The following DHRS3 variants were observed in gnomAD, a reference collection of about 807,000 sequenced individuals.
DHRS3 encodes short-chain dehydrogenase/reductase 3.
In DHRS3, 14 loss-of-function variants were observed where a neutral mutation model predicts 27.2. The ratio of observed to expected loss-of-function variants is 0.52; its 90% CI spans 0.34 to 0.81. DHRS3 has a LOEUF of 0.81. DHRS3 is among the 30% of genes least tolerant of loss of function. The pLI is 0.01. For synonymous variants in DHRS3, 165 were observed against 175.9 expected, an observed-to-expected ratio of 0.94 and a Z score of 0.49; for missense variants, 322 against 406.2, an observed-to-expected ratio of 0.79 and a Z score of 1.78.
At chr1:12,602,854 G>A (rs1288395364) in intron 1 of DHRS3, among the ~76,000 whole-genome samples, 1 of 152,262 alleles carries the variant, frequency 6.6e-6, no homozygotes, top group Non-Finnish European at 1.5e-5. Context: ...CAAATTGCAT[G>A]AGTGCTCTGG....
Position 12,574,747 on chromosome 1 carries a change from G to A in DHRS3, c.699-1894C>T, listed in dbSNP as rs1380084372. On this transcript the variant is annotated intron_variant, in intron 4 of 5. Coordinates refer to ENST00000616661, the MANE Select transcript of DHRS3 (RefSeq NM_004753.7). The surrounding 1 kb of genome is among the most constrained non-coding windows in gnomAD (Gnocchi z 4.6). ...GAGGAGGCCTCAAGCACGTCTGTGC[G>A]CAGGATTTTCTCCTTCCTCTCCACG... Among the ~76,000 whole-genome samples, 4 of 152,188 alleles carry A rather than the reference G, an allele frequency of 2.6e-5. No homozygotes were observed. The highest frequency in any genetic ancestry group is 3.8e-4 in the East Asian group (2 of 5,196).
intron 1 of DHRS3, among the ~76,000 whole-genome samples, chr1:12,609,902 AT>A (rs1168798133): frequency 1.3e-5 from 2 of 151,990 alleles, no homozygotes; most frequent in African/African-American, 4.8e-5. Flanking sequence ...TCTTCCTGGA[AT>A]GCTACTGCTC....
intron 1 of DHRS3, among the ~76,000 whole-genome samples, chr1:12,582,175 T>A (rs1405803468): frequency 1.3e-5 from 2 of 152,214 alleles, no homozygotes; most frequent in Non-Finnish European, 2.9e-5. Flanking sequence ...GTCACATTGA[T>A]AAGGAGTTGC....
intron 1 of DHRS3, among the ~76,000 whole-genome samples, chr1:12,582,373 C>T (rs1646651641): frequency 6.6e-6 from 1 of 152,084 alleles, no homozygotes; most frequent in African/African-American, 2.4e-5. Context: ...TCTCTAAAGC[C>T]CAGTTTGAAA....
In DHRS3 at chr1:12,574,020, A is replaced by G. The variant is rs1026698792; in HGVS notation, c.699-1167T>C. ...AGAGCTTGTGATCCGCTCTGGCACC[A>G]GGAAGATTAAGGGTGATGAATCACC... On this transcript the variant is annotated intron_variant, in intron 4 of 5. Transcript: ENST00000616661. The surrounding 1 kb of genome is among the most constrained non-coding windows in gnomAD (Gnocchi z 4.6). Among the ~76,000 whole-genome samples, 4 of 152,160 alleles carry G rather than the reference A, an allele frequency of 2.6e-5. No individual in the cohort carries two copies. The highest frequency in any genetic ancestry group is 1.3e-4 in the Admixed American group (2 of 15,270).
intron 1 of DHRS3, among the ~76,000 whole-genome samples, chr1:12,607,476 C>T (rs886312448): frequency 1.3e-5 from 2 of 152,142 alleles, no homozygotes; most frequent in South Asian, 2.1e-4. Flanking sequence ...TCGGTAGTTC[C>T]TTCTAAGTTC....
chr1:12,579,118 C>T, intron 3 of DHRS3, 162 bp from the exon 4 acceptor site: 1 of 1,292,964 alleles, frequency 7.7e-7, no homozygotes, highest in Non-Finnish European at 1.1e-6. Flanking sequence ...GGACACCGAG[C>T]ATATTTCACA....
intron 1 of DHRS3, among the ~76,000 whole-genome samples, chr1:12,587,141 CTTTTTTT>C (rs564825355): frequency 7.6e-6 from 1 of 132,318 alleles, no homozygotes; most frequent in East Asian, 2.1e-4. Context: ...CAACTCTAAA[CTTTTTTT>C]TTTTTTTTTT....
intron 1 of DHRS3, among the ~76,000 whole-genome samples, chr1:12,607,900 C>T (rs937093043): frequency 4.6e-5 from 7 of 152,016 alleles, no homozygotes; most frequent in African/African-American, 1.2e-4. Context: ...GGGAGAAAGA[C>T]GCAGTCTTGC....
At position 12,579,276 on chromosome 1, in the gene DHRS3, C is replaced by A; in HGVS notation, c.459+17G>T. On this transcript the variant is annotated intron_variant, in intron 3 of 5. Transcript: ENST00000616661. ...CCTGCACGCCCGGGGCTGGCTCTGG[C>A]CCCGGATAGCCCTTACCCAGAACTG... 6 of 1,614,050 alleles carry A rather than the reference C, an allele frequency of 3.7e-6. No homozygotes were observed. Among genetic ancestry groups the A allele is most frequent in the Non-Finnish European group, 5.1e-6 (6 of 1,179,988 alleles).
At chr1:12,610,189 G>C (rs550241056) in intron 1 of DHRS3, among the ~76,000 whole-genome samples, 2 of 151,376 alleles carry the variant, frequency 1.3e-5, no homozygotes, top group African/African-American at 2.4e-5. Flanking sequence ...AGCAATTCTC[G>C]TGCCTCAGAC....
chr1:12,617,076 G>A, intron 1 of DHRS3, 78 bp downstream of exon 1: 1 of 1,471,114 alleles, frequency 6.8e-7, no homozygotes, highest in South Asian at 1.3e-5. Flanking sequence ...TCCCGGGCGC[G>A]GGATCCCGCA....
At chr1:12,588,325 GAT>G (rs1357369361) in intron 1 of DHRS3, among the ~76,000 whole-genome samples, 1 of 152,170 alleles carries the variant, frequency 6.6e-6, no homozygotes, top group East Asian at 1.9e-4. Flanking sequence ...TGAGTACATG[GAT>G]ATGTTTTCTT....
intron 4 of DHRS3, among the ~76,000 whole-genome samples, chr1:12,576,489 G>A (rs1195394342): frequency 1.3e-5 from 2 of 151,900 alleles, no homozygotes; most frequent in African/African-American, 4.8e-5. Context: ...ATGAACCCGG[G>A]AGACGGAGCT....
At chr1:12,581,534 G>A (rs537900894) in intron 1 of DHRS3, among the ~76,000 whole-genome samples, 24 of 152,226 alleles carry the variant, frequency 1.6e-4, no homozygotes, top group East Asian at 3.9e-4. Flanking sequence ...GGCCTCACCC[G>A]GCAGGTAACA....
chr1:12,617,130 C>T (rs1365105520), intron 1 of DHRS3, 24 bp downstream of exon 1: 2 of 1,602,418 alleles, frequency 1.2e-6, no homozygotes, highest in South Asian at 1.1e-5. Context: ...GCCCCCCACT[C>T]CCTGGAGTCG....
chr1:12,597,898 A>G (rs1646809491), intron 1 of DHRS3, among the ~76,000 whole-genome samples: 1 of 152,048 alleles, frequency 6.6e-6, no homozygotes, highest in African/African-American at 2.4e-5. Context: ...GCCAGTGAGA[A>G]TCCCTGGGTC....
At chr1:12,590,162 A>C (rs1011802494) in intron 1 of DHRS3, among the ~76,000 whole-genome samples, 3 of 152,078 alleles carry the variant, frequency 2.0e-5, no homozygotes, top group African/African-American at 7.2e-5. Flanking sequence ...AGAGGTTTTC[A>C]AGCAGAGCCC....
At position 12,591,690 on chromosome 1, in the gene DHRS3, C is replaced by T. The variant is rs1371820100; in HGVS notation, c.196-11024G>A. Among the ~76,000 whole-genome samples, 1 of 152,246 alleles carries T rather than the reference C, an allele frequency of 6.6e-6. No individual in the cohort carries two copies. The highest frequency in any genetic ancestry group is 1.5e-5 in the Non-Finnish European group (1 of 68,038). ...GGGCTCATACCCGAGAAAACTGATACACGAAGGGGCTATGTAATTCCAAGC... is the reference window on the plus strand; with the variant it reads ...GGGCTCATACCCGAGAAAACTGATATACGAAGGGGCTATGTAATTCCAAGC... On this transcript the variant is annotated intron_variant, in intron 1 of 5. Coordinates refer to ENST00000616661, the MANE Select transcript of DHRS3 (RefSeq NM_004753.7). This position sits in a 1 kb window ranked among gnomAD's most constrained non-coding sequence, Gnocchi z 4.1.
Sources: gnomAD v4.1 joint callset for allele counts (sites outside exome capture counted in the v4.1 genomes callset) on GRCh38, gnomAD v4.1.1 for gene constraint, Gnocchi (gnomAD v3.1) non-coding constraint, MANE v1.5 for transcripts, NCBI Gene and HGNC (gene_info 2026-07-23, HGNC 2026-07-21) for gene names.